Variants in LARGE1 observed in about 807,000 individuals in gnomAD.
The protein encoded by LARGE1 is xylosyl- and glucuronyltransferase LARGE1.
A neutral mutation model predicts 87.6 loss-of-function variants in LARGE1; 43 were observed. The ratio of observed to expected loss-of-function variants is 0.49; its 90% CI spans 0.38 to 0.63. LARGE1 has a LOEUF of 0.63. Among genes scored for constraint, LARGE1 ranks in the 30% least tolerant of loss-of-function variants. LARGE1 has a pLI of 0.00. For missense variants in LARGE1, 802 were observed against 1,000.2 expected, an observed-to-expected ratio of 0.80 and a Z score of 2.67; for synonymous variants, 434 against 394.6, an observed-to-expected ratio of 1.10 and a Z score of -1.18.
chr22:33,673,144 G>A (rs574701920), intron 2 of LARGE1, among the ~76,000 whole-genome samples: 37 of 152,122 alleles, frequency 2.4e-4, no homozygotes, highest in Admixed American at 1.9e-3. Context: ...GCATGGTGGC[G>A]GGCGCCTGTA....
intron 6 of LARGE1, among the ~76,000 whole-genome samples, chr22:33,520,570 G>A (rs1342969371): frequency 6.6e-6 from 1 of 152,180 alleles, no homozygotes; most frequent in East Asian, 1.9e-4. Flanking sequence ...TGCCCCCACT[G>A]CCCACCTGGG....
chr22:33,077,496 G>C, the LARGE1 span, among the ~76,000 whole-genome samples: 1 of 152,148 alleles, frequency 6.6e-6, no homozygotes, highest in African/African-American at 2.4e-5. Context: ...GTAATGTGGA[G>C]AGCAGATTGG....
At chr22:33,798,304 C>T (rs1173547514) in intron 1 of LARGE1, among the ~76,000 whole-genome samples, 2 of 151,968 alleles carry the variant, frequency 1.3e-5, no homozygotes. Context: ...ATCAATCAAT[C>T]AATCAATCAA....
At chr22:33,627,299 T>A (rs1242652548) in intron 3 of LARGE1, among the ~76,000 whole-genome samples, 1 of 152,184 alleles carries the variant, frequency 6.6e-6, no homozygotes, top group Non-Finnish European at 1.5e-5. Context: ...CTCTAGGGCA[T>A]CCCCGACGGG....
intron 5 of LARGE1, among the ~76,000 whole-genome samples, chr22:33,591,858 ATT>A (rs61494645): frequency 8.5e-5 from 11 of 129,884 alleles, no homozygotes; most frequent in African/African-American, 2.5e-4. Flanking sequence ...AAAAAAAAAA[ATT>A]TTTTTTTTTT....
intron 7 of LARGE1, among the ~76,000 whole-genome samples, chr22:33,402,907 T>C (rs2065971460): frequency 6.6e-6 from 1 of 152,096 alleles, no homozygotes; most frequent in Non-Finnish European, 1.5e-5. Context: ...CCTTATAACA[T>C]CACAGAAAGA....
the LARGE1 span, among the ~76,000 whole-genome samples, chr22:33,128,679 A>G: frequency 2.7e-4 from 24 of 90,386 alleles, no homozygotes; most frequent in African/African-American, 1.2e-3. Flanking sequence ...CGTCTCAAAA[A>G]CAAAAAAAAA....
At chr22:33,709,933 T>G (rs1378030638) in intron 2 of LARGE1, among the ~76,000 whole-genome samples, 4 of 145,210 alleles carry the variant, frequency 2.8e-5, no homozygotes, top group African/African-American at 1.0e-4. Context: ...AGCTGGCCAA[T>G]GCTACTTTGA....
chr22:33,376,337 T>A (rs2064992134), intron 9 of LARGE1, among the ~76,000 whole-genome samples: 1 of 152,254 alleles, frequency 6.6e-6, no homozygotes, highest in Admixed American at 6.5e-5. Flanking sequence ...AGAACTCTTC[T>A]AGATTTCTAC....
chr22:33,128,626 A>C, the LARGE1 span, among the ~76,000 whole-genome samples: 1 of 150,436 alleles, frequency 6.6e-6, no homozygotes, highest in East Asian at 2.0e-4. Context: ...GTGAGCCGAG[A>C]TTATGCCATT....
intron 4 of LARGE1, among the ~76,000 whole-genome samples, chr22:33,606,176 T>G (rs1247287062): frequency 6.6e-6 from 1 of 151,940 alleles, no homozygotes; most frequent in Non-Finnish European, 1.5e-5. Flanking sequence ...GAGGCCAAGG[T>G]GGGTAGATAA....
At chr22:33,417,824 G>T (rs1048324611) in intron 7 of LARGE1, among the ~76,000 whole-genome samples, 2 of 152,192 alleles carry the variant, frequency 1.3e-5, no homozygotes, top group African/African-American at 4.8e-5. Context: ...ACGACCATCT[G>T]CAACTCCTTG....
intron 1 of LARGE1, among the ~76,000 whole-genome samples, chr22:33,851,473 A>G (rs1026043183): frequency 2.0e-5 from 3 of 152,252 alleles, no homozygotes; most frequent in African/African-American, 7.2e-5. Context: ...TAAACTGTGT[A>G]CATGTCTATT....
chr22:33,682,061 G>A (rs1303955116), intron 2 of LARGE1, among the ~76,000 whole-genome samples: 2 of 152,206 alleles, frequency 1.3e-5, no homozygotes, highest in Admixed American at 1.3e-4. Flanking sequence ...CCATGGTGTG[G>A]TGCGTGGACA....
chr22:33,294,779 C>G (rs1273502481), intron 12 of LARGE1, among the ~76,000 whole-genome samples: 2 of 152,172 alleles, frequency 1.3e-5, no homozygotes, highest in Non-Finnish European at 2.9e-5. Context: ...AGGTCCTGCA[C>G]AGTGCCAGGC....
intron 5 of LARGE1, among the ~76,000 whole-genome samples, chr22:33,576,899 A>C (rs974323444): frequency 6.6e-6 from 1 of 152,194 alleles, no homozygotes; most frequent in Non-Finnish European, 1.5e-5. Context: ...AAATATCCAT[A>C]AATGTTCAGT....
intron 6 of LARGE1, among the ~76,000 whole-genome samples, chr22:33,467,204 T>G (rs984913395): frequency 1.3e-5 from 2 of 152,214 alleles, no homozygotes; most frequent in East Asian, 3.8e-4. Context: ...TCCCACCTCA[T>G]AGCTGTATCT....
intron 9 of LARGE1, among the ~76,000 whole-genome samples, chr22:33,354,920 A>G (rs183226525): frequency 1.3e-5 from 2 of 152,344 alleles, no homozygotes; most frequent in African/African-American, 4.8e-5. Flanking sequence ...CTATGTTTAA[A>G]CATATGAATA....
At chr22:33,862,204 A>G (rs1265178103) in intron 1 of LARGE1, among the ~76,000 whole-genome samples, 1 of 152,114 alleles carries the variant, frequency 6.6e-6, no homozygotes, top group Non-Finnish European at 1.5e-5. Context: ...TGTCCTCGAG[A>G]GCTCACGGCA....
Sources: allele counts gnomAD v4.1 joint callset (sites outside exome capture counted in the v4.1 genomes callset), GRCh38; gene constraint gnomAD v4.1.1; transcripts MANE v1.5; gene names NCBI Gene and HGNC (gene_info 2026-07-23, HGNC 2026-07-21).